The following U2SURP variants were observed in gnomAD, a reference collection of about 807,000 sequenced individuals.
U2SURP encodes the protein U2 snRNP associated SURP domain containing.
U2SURP carries 9 observed loss-of-function variants against 144.9 expected under a neutral mutation model. The observed-to-expected ratio is 0.06, with a 90% CI of 0.04 to 0.11. The LOEUF (loss-of-function observed/expected upper bound fraction) is 0.11. Ranked by LOEUF, U2SURP falls within the 10% of genes least tolerant of loss-of-function variation. U2SURP has a pLI of 1.00. For synonymous variants in U2SURP, 408 were observed against 396.8 expected, an observed-to-expected ratio of 1.03 and a Z score of -0.33; for missense variants, 724 against 1,226.7, an observed-to-expected ratio of 0.59 and a Z score of 6.12.
At chr3:143,033,853 T>G (rs755053564) in intron 18 of U2SURP, among the ~76,000 whole-genome samples, 3 of 151,528 alleles carry the variant, frequency 2.0e-5, no homozygotes, top group African/African-American at 4.9e-5. Flanking sequence ...AAATTACCAA[T>G]TTTTTGGAAA....
At chr3:143,040,007 G>T (rs1934021965) in intron 23 of U2SURP, among the ~76,000 whole-genome samples, 1 of 151,934 alleles carries the variant, frequency 6.6e-6, no homozygotes, top group Non-Finnish European at 1.5e-5. Flanking sequence ...GTTTAGTTCA[G>T]TTTGCTTTAA....
chr3:143,013,932 C>A (rs1254382195), intron 3 of U2SURP, among the ~76,000 whole-genome samples: 1 of 151,978 alleles, frequency 6.6e-6, no homozygotes, highest in Non-Finnish European at 1.5e-5. Context: ...AAATGTTTGC[C>A]TCCATTTGCT....
At position 143,047,122 on chromosome 3, in the gene U2SURP, C is replaced by T. The variant is rs1185521923; in HGVS notation, c.2545-3817C>T. ...CTCCTCACTTCCCAGTAGGGGCGGC[C>T]GGGCAGAGGCGCCCCTCACCTCCCG... On this transcript the variant is annotated intron_variant, in intron 24 of 27. Coordinates refer to ENST00000473835, the MANE Select transcript of U2SURP (RefSeq NM_001080415.2). 3.2e-3 allele frequency among the ~76,000 whole-genome samples: 292 copies of T among 90,646 alleles called. 7 individuals carry two copies. Among genetic ancestry groups the T allele is most frequent in the African/African-American group, 0.015 (275 of 18,090 alleles). 59.5% of individuals were successfully genotyped at this position (90,646 alleles called of 152,430 possible).
intron 27 of U2SURP, among the ~76,000 whole-genome samples, chr3:143,055,465 T>C (rs933867821): frequency 1.3e-5 from 2 of 152,260 alleles, no homozygotes; most frequent in South Asian, 2.1e-4. Flanking sequence ...CACACATTTT[T>C]CCCCCATAGC....
In U2SURP at chr3:143,056,552, C is replaced by A; in HGVS notation, c.*102C>A. On this transcript the variant is annotated 3_prime_UTR_variant, in exon 28 of 28. Transcript: ENST00000473835. Reference sequence around the variant, plus strand: ...CAAAAAATCAAATGAAAGAGCATTCCTGGGGTTTTTTGTTTGTTTGTGTAT... The same window carrying A: ...CAAAAAATCAAATGAAAGAGCATTCATGGGGTTTTTTGTTTGTTTGTGTAT... 6.9e-7 allele frequency: 1 copy of A among 1,444,298 alleles called. No individual in the cohort carries two copies. Among genetic ancestry groups the A allele is most frequent in the Non-Finnish European group, 9.3e-7 (1 of 1,079,302 alleles). 89.5% of individuals were successfully genotyped at this position (1,444,298 alleles called of 1,614,324 possible).
At position 143,056,520 on chromosome 3, in the gene U2SURP, A is replaced by AT; in HGVS notation, c.*70_*71insT. On this transcript the variant is annotated 3_prime_UTR_variant, in exon 28 of 28. Transcript: ENST00000473835. The stretch of plus-strand genomic sequence containing the variant: ...TTTGTGCCTGAACGGTCTGTTTTTT[A>AT]AAAAAACAAAAAATCAAATGAAAGA... 1 of 1,546,374 alleles carries AT rather than the reference A, an allele frequency of 6.5e-7. No homozygotes were observed. The highest frequency in any genetic ancestry group is 8.7e-7 in the Non-Finnish European group (1 of 1,146,940).
chr3:143,045,018 T>C (rs1014532687), intron 24 of U2SURP, among the ~76,000 whole-genome samples: 3 of 152,146 alleles, frequency 2.0e-5, no homozygotes, highest in Non-Finnish European at 4.4e-5. Context: ...GTGAACACAC[T>C]CACCTGTGCA....
intron 1 of U2SURP, among the ~76,000 whole-genome samples, chr3:143,006,813 G>T (rs1578107707): frequency 6.6e-6 from 1 of 152,314 alleles, no homozygotes; most frequent in African/African-American, 2.4e-5. Context: ...ATGCAATTAA[G>T]GTGGTGTTAT....
intron 13 of U2SURP, chr3:143,026,215 G>A (rs1933137465): frequency 6.6e-6 from 1 of 151,988 alleles, no homozygotes; most frequent in South Asian, 2.1e-4. Flanking sequence ...CATGATTTTA[G>A]GACCCAGCTT....
At chr3:143,021,214 G>T in intron 8 of U2SURP, 136 bp from the exon 9 acceptor site, 1 of 970,022 alleles carries the variant, frequency 1.0e-6, no homozygotes, top group East Asian at 2.6e-5. Flanking sequence ...AACAACAACA[G>T]AGTTGTGTGA....
intron 14 of U2SURP, among the ~76,000 whole-genome samples, chr3:143,027,842 T>C (rs981852111): frequency 5.9e-5 from 9 of 152,198 alleles, no homozygotes; most frequent in African/African-American, 2.2e-4. Flanking sequence ...ATTTGGTTGA[T>C]TAAATAGTAT....
chr3:143,016,036 G>C (rs1184069339), intron 4 of U2SURP, among the ~76,000 whole-genome samples: 1 of 152,044 alleles, frequency 6.6e-6, no homozygotes, highest in Non-Finnish European at 1.5e-5. Flanking sequence ...ATACTTAGGG[G>C]TTCTTTTCTA....
At chr3:143,045,694 G>A (rs765857434) in intron 24 of U2SURP, among the ~76,000 whole-genome samples, 2 of 152,106 alleles carry the variant, frequency 1.3e-5, no homozygotes, top group Non-Finnish European at 2.9e-5. Flanking sequence ...TTGTAATCTG[G>A]CCTGTCCTTT....
chr3:143,018,691 T>C (rs181500326), intron 6 of U2SURP, among the ~76,000 whole-genome samples: 2 of 152,084 alleles, frequency 1.3e-5, no homozygotes, highest in Admixed American at 1.3e-4. Context: ...TGTATGAGGG[T>C]TCCAGTTTTC....
chr3:143,041,864 A>G (rs996568558), intron 23 of U2SURP, among the ~76,000 whole-genome samples: 1 of 152,044 alleles, frequency 6.6e-6, no homozygotes, highest in Non-Finnish European at 1.5e-5. Context: ...TAATGTTATC[A>G]CAGTCAACAT....
intron 16 of U2SURP, among the ~76,000 whole-genome samples, chr3:143,030,802 A>G (rs1933436918): frequency 6.6e-6 from 1 of 152,066 alleles, no homozygotes; most frequent in African/African-American, 2.4e-5. Flanking sequence ...TCCCAGCACT[A>G]TGGGAGGCCG....
intron 5 of U2SURP, 85 bp downstream of exon 5, chr3:143,016,456 G>T (rs1936373438): frequency 2.6e-6 from 3 of 1,175,444 alleles, no homozygotes; most frequent in African/African-American, 3.1e-5. Context: ...ATGACTGCAG[G>T]TAGATAATTA....
intron 23 of U2SURP, among the ~76,000 whole-genome samples, chr3:143,041,263 T>C (rs1490917830): frequency 6.6e-6 from 1 of 151,948 alleles, no homozygotes; most frequent in Non-Finnish European, 1.5e-5. Flanking sequence ...GAAACACTTG[T>C]ATAATTTTAT....
chr3:143,008,485 A>G (rs964312092), intron 1 of U2SURP, among the ~76,000 whole-genome samples: 2 of 152,246 alleles, frequency 1.3e-5, no homozygotes, highest in African/African-American at 4.8e-5. Context: ...TCCCTTTGGA[A>G]TTTAGAGCGG....
Sources: gnomAD v4.1 joint callset for allele counts (sites outside exome capture counted in the v4.1 genomes callset) on GRCh38, gnomAD v4.1.1 for gene constraint, MANE v1.5 for transcripts, NCBI Gene and HGNC (gene_info 2026-07-23, HGNC 2026-07-21) for gene names.